The following SFXN1 variants were observed in gnomAD, a reference collection of about 807,000 sequenced individuals.
The protein encoded by SFXN1 is sideroflexin-1.
SFXN1 carries 32 observed loss-of-function variants against 39.5 expected under a neutral mutation model. The observed-to-expected ratio is 0.81, with a 90% CI of 0.61 to 1.09. SFXN1 has a LOEUF of 1.09. Among genes scored for constraint, SFXN1 ranks in the 50% least tolerant of loss-of-function variants. The pLI, the probability that SFXN1 is intolerant of heterozygous loss-of-function variation, is 0.00. For synonymous variants in SFXN1, 136 were observed against 146.5 expected, an observed-to-expected ratio of 0.93 and a Z score of 0.52; for missense variants, 402 against 407.1, an observed-to-expected ratio of 0.99 and a Z score of 0.11.
At chr5:175,501,988 T>C (rs1337599938) in intron 2 of SFXN1, among the ~76,000 whole-genome samples, 1 of 151,918 alleles carries the variant, frequency 6.6e-6, no homozygotes, top group Non-Finnish European at 1.5e-5. Flanking sequence ...TTGAAGAAAA[T>C]TTGGTGGCTA....
intron 1 of SFXN1, among the ~76,000 whole-genome samples, chr5:175,487,545 C>T (rs1049339395): frequency 3.9e-5 from 6 of 152,210 alleles, no homozygotes; most frequent in Admixed American, 2.6e-4. Context: ...CCACCAGTCA[C>T]TCCCCAGCCC....
intron 7 of SFXN1, among the ~76,000 whole-genome samples, chr5:175,513,975 A>G (rs1043256549): frequency 7.2e-5 from 11 of 152,176 alleles, no homozygotes; most frequent in African/African-American, 2.6e-4. Context: ...GAAGGGAGTC[A>G]GGAGGCCACA....
chr5:175,501,055 G>A (rs1009931250), intron 2 of SFXN1, among the ~76,000 whole-genome samples: 19 of 148,936 alleles, frequency 1.3e-4, no homozygotes, highest in Non-Finnish European at 2.4e-4. Context: ...ACTTTGATAT[G>A]GGCAAAGATT....
At chr5:175,506,227 T>G (rs145945287) in intron 2 of SFXN1, among the ~76,000 whole-genome samples, 2 of 152,356 alleles carry the variant, frequency 1.3e-5, no homozygotes, top group African/African-American at 4.8e-5. Context: ...GTATAATCTT[T>G]CTAGATAGAA....
At chr5:175,516,932 G>A (rs1190124291) in intron 8 of SFXN1, among the ~76,000 whole-genome samples, 59 of 152,206 alleles carry the variant, frequency 3.9e-4, no homozygotes, top group Admixed American at 3.9e-3. Context: ...GGGTAAAAAT[G>A]AAGAGATGAT....
chr5:175,482,010 A>T (rs1759271686), intron 1 of SFXN1, among the ~76,000 whole-genome samples: 1 of 152,246 alleles, frequency 6.6e-6, no homozygotes, highest in African/African-American at 2.4e-5. Flanking sequence ...TTTCAAAGTC[A>T]GACAGAACTG....
intron 8 of SFXN1, among the ~76,000 whole-genome samples, chr5:175,521,322 A>T (rs1231099704): frequency 1.3e-5 from 2 of 151,960 alleles, no homozygotes; most frequent in African/African-American, 4.8e-5. Context: ...ACTGACAGCA[A>T]CTAAAACCAA....
At chr5:175,507,647 A>G (rs1210539545) in intron 2 of SFXN1, among the ~76,000 whole-genome samples, 1 of 152,220 alleles carries the variant, frequency 6.6e-6, no homozygotes, top group African/African-American at 2.4e-5. Context: ...GAGAAGAAGT[A>G]AAGAATGAGG....
intron 2 of SFXN1, among the ~76,000 whole-genome samples, chr5:175,492,955 T>TA (rs1267390121): frequency 6.6e-6 from 1 of 152,152 alleles, no homozygotes; most frequent in Non-Finnish European, 1.5e-5. Flanking sequence ...AACAATCCTT[T>TA]AAAAAAATGT....
In SFXN1 at chr5:175,528,554, GA is replaced by G. The variant is rs1382360229; in HGVS notation, c.*1821del. The G allele has an allele frequency of 2.6e-5, 4 of 152,116 alleles. No homozygotes were observed. The highest frequency in any genetic ancestry group is 9.7e-5 in the African/African-American group (4 of 41,426). 9.4% of individuals were successfully genotyped at this position (152,116 alleles called of 1,614,324 possible). On this transcript the variant is annotated 3_prime_UTR_variant, in exon 11 of 11. Coordinates refer to ENST00000321442, the MANE Select transcript of SFXN1 (RefSeq NM_022754.7). ...ATATAGAAACTATTTAGTTTTGGTA[GA>G]TTTTTTTTCTGACAATGTGACCAGA...
intron 1 of SFXN1, among the ~76,000 whole-genome samples, chr5:175,480,214 AG>A (rs1194858194): frequency 6.6e-6 from 1 of 152,206 alleles, no homozygotes; most frequent in Non-Finnish European, 1.5e-5. Flanking sequence ...ATCCTGGCTA[AG>A]CCGGTGAAAC....
At chr5:175,490,027 C>G (rs1759600324) in intron 1 of SFXN1, among the ~76,000 whole-genome samples, 1 of 152,180 alleles carries the variant, frequency 6.6e-6, no homozygotes. Flanking sequence ...ACTACCACAT[C>G]CCTGTTTCCT....
intron 1 of SFXN1, chr5:175,483,867 CACTG>C (rs750597805): frequency 2.0e-5 from 3 of 152,506 alleles, no homozygotes; most frequent in Non-Finnish European, 2.9e-5. Context: ...GCACCCTCCC[CACTG>C]ACTGTCTCCG....
intron 2 of SFXN1, among the ~76,000 whole-genome samples, chr5:175,502,673 C>G (rs1395586207): frequency 6.6e-6 from 1 of 151,936 alleles, no homozygotes. Flanking sequence ...AACCATGTCT[C>G]TACTAAAAAT....
At chr5:175,491,319 T>G (rs1175183149) in intron 1 of SFXN1, among the ~76,000 whole-genome samples, 4 of 152,216 alleles carry the variant, frequency 2.6e-5, no homozygotes, top group Non-Finnish European at 5.9e-5. Context: ...CTGCGTCTTT[T>G]TTAGTTGTGT....
At chr5:175,503,736 C>G (rs1193837405) in intron 2 of SFXN1, among the ~76,000 whole-genome samples, 1 of 152,188 alleles carries the variant, frequency 6.6e-6, no homozygotes, top group Non-Finnish European at 1.5e-5. Flanking sequence ...GGCGTGGTGG[C>G]TCACGCCCAT....
At chr5:175,521,864 T>TTGCCTCTAAGACCC (rs1410743129) in intron 8 of SFXN1, 55 bp from the exon 9 acceptor site, 1 of 1,353,974 alleles carries the variant, frequency 7.4e-7, no homozygotes, top group Non-Finnish European at 1.0e-6. Context: ...TCAGAAGATA[T>TTGCCTCTAAGACCC]TGCCTCTAAG....
At chr5:175,516,359 G>A (rs1476470824) in intron 7 of SFXN1, among the ~76,000 whole-genome samples, 1 of 152,134 alleles carries the variant, frequency 6.6e-6, no homozygotes, top group Non-Finnish European at 1.5e-5. Flanking sequence ...TAAAAGTAAA[G>A]TTCTTTTCAA....
At chr5:175,505,151 G>A (rs147470904) in intron 2 of SFXN1, among the ~76,000 whole-genome samples, 95 of 152,244 alleles carry the variant, frequency 6.2e-4, no homozygotes, top group African/African-American at 2.1e-3. Flanking sequence ...GTAGGCCTGG[G>A]GAGAAAGGCT....
Sources: allele counts gnomAD v4.1 joint callset (sites outside exome capture counted in the v4.1 genomes callset), GRCh38; gene constraint gnomAD v4.1.1; transcripts MANE v1.5; gene names NCBI Gene and HGNC (gene_info 2026-07-23, HGNC 2026-07-21).